MAPT: variants seen among roughly 807,000 people sequenced by gnomAD.
The protein encoded by MAPT is microtubule-associated protein tau.
A neutral mutation model predicts 67.9 loss-of-function variants in MAPT; 34 were observed. The ratio of observed to expected loss-of-function variants is 0.50; its 90% CI spans 0.38 to 0.67. The LOEUF (loss-of-function observed/expected upper bound fraction) is 0.67. Ranked by LOEUF, MAPT falls within the 30% of genes least tolerant of loss-of-function variation. MAPT has a pLI of 0.00. For synonymous variants in MAPT, 456 were observed against 464.5 expected, an observed-to-expected ratio of 0.98 and a Z score of 0.23; for missense variants, 881 against 1,115.2, an observed-to-expected ratio of 0.79 and a Z score of 2.99.
At chr17:45,948,544 C>A (rs1255177911) in intron 1 of MAPT, among the ~76,000 whole-genome samples, 1 of 152,180 alleles carries the variant, frequency 6.6e-6, no homozygotes, top group Non-Finnish European at 1.5e-5. Flanking sequence ...CCCTTATATT[C>A]CTTAGCTGTT....
intron 1 of MAPT, among the ~76,000 whole-genome samples, chr17:45,907,009 G>A (rs748364972): frequency 4.6e-5 from 7 of 152,094 alleles, no homozygotes; most frequent in African/African-American, 1.2e-4. Flanking sequence ...TATCCAATCC[G>A]TTTTGCATGC....
chr17:45,909,281 G>A (rs2064573219), intron 1 of MAPT, among the ~76,000 whole-genome samples: 1 of 152,146 alleles, frequency 6.6e-6, no homozygotes, highest in Non-Finnish European at 1.5e-5. Flanking sequence ...CATGTCACGG[G>A]GACTCCACTA....
intron 1 of MAPT, among the ~76,000 whole-genome samples, chr17:45,960,286 G>A (rs539791095): frequency 2.6e-5 from 4 of 152,358 alleles, no homozygotes; most frequent in East Asian, 3.9e-4. Flanking sequence ...CAGAGTCACC[G>A]TGTGCCCTGG....
chr17:45,919,596 G>A (rs1699466295), intron 1 of MAPT, among the ~76,000 whole-genome samples: 1 of 152,148 alleles, frequency 6.6e-6, no homozygotes, highest in African/African-American at 2.4e-5. Context: ...GGAGGCAGAT[G>A]AGGTTTAAAG....
At chr17:45,970,010 C>T (rs1371427395) in intron 2 of MAPT, among the ~76,000 whole-genome samples, 1 of 150,762 alleles carries the variant, frequency 6.6e-6, no homozygotes, top group Non-Finnish European at 1.5e-5. Flanking sequence ...ATCATCTACA[C>T]ATCACCCATC....
chr17:45,996,655 A>G lies in MAPT; in HGVS notation c.1989A>G (p.Gly663=). The G allele has an allele frequency of 6.2e-7, 1 of 1,613,080 alleles. No individual in the cohort carries two copies. Among genetic ancestry groups the G allele is most frequent in the Non-Finnish European group, 8.5e-7 (1 of 1,179,712 alleles). Reference sequence around the variant, plus strand: ...CTGAGAACCTGAAGCACCAGCCGGGAGGCGGGAAGGTGAGAGTGGCTGGCT... The same window carrying G: ...CTGAGAACCTGAAGCACCAGCCGGGGGGCGGGAAGGTGAGAGTGGCTGGCT... The part of the protein sequence containing the change: ...GSTENLKHQP[G]GGKVQIINKK... The change falls in exon 9 of 13, where the codon GGA becomes GGG. Residue 663 remains glycine, a synonymous_variant. Transcript: ENST00000262410. This position sits in a 1 kb window ranked among gnomAD's most constrained non-coding sequence, Gnocchi z 4.5.
chr17:45,924,978 C>T lies in MAPT; in HGVS notation c.-18+30292C>T, dbSNP rs572679512. Reference sequence around the variant, plus strand: ...GGAAGGGAGGACTATAGACCCTCAACGTAAGCAATGGTCAGACTATTCTAA... The same window carrying T: ...GGAAGGGAGGACTATAGACCCTCAATGTAAGCAATGGTCAGACTATTCTAA... On this transcript the variant is annotated intron_variant, in intron 1 of 12. Transcript: ENST00000262410. Among the ~76,000 whole-genome samples, 220 of 152,232 alleles carry T rather than the reference C, an allele frequency of 1.4e-3. 1 individual carries two copies. Among genetic ancestry groups the T allele is most frequent in the African/African-American group, 4.3e-3 (179 of 41,538 alleles).
intron 10 of MAPT, among the ~76,000 whole-genome samples, chr17:46,013,661 T>TACTGATGGTCTTTGCTC (rs996288420): frequency 6.6e-6 from 1 of 152,212 alleles, no homozygotes; most frequent in Non-Finnish European, 1.5e-5. Context: ...GGGTCCTGCT[T>TACTGATGGTCTTTGCTC]ACTGATGGTC....
chr17:45,978,402 C>A lies in MAPT; in HGVS notation c.248C>A (p.Pro83His), dbSNP rs1178646126. 1.2e-6 allele frequency: 2 copies of A among 1,613,800 alleles called. No homozygotes were observed. The highest frequency in any genetic ancestry group is 2.7e-5 in the African/African-American group (2 of 74,920). The change falls in exon 4 of 13, where the codon CCC (proline) becomes CAC (histidine). Residue 83 changes from proline (P) to histidine (H), a missense_variant. By Grantham distance (77) the Pro-to-His change is moderately conservative (BLOSUM62 -2). Around this residue, in one of 6 missense-constraint regions of MAPT, gnomAD observed 687 missense variants for 766.1 expected, o/e 0.90. Transcript: ENST00000262410. ...EAEEAGIGDTPSLEDEAAGHV... is the reference protein window; with the variant it reads ...EAEEAGIGDTHSLEDEAAGHV... ...GAAGAAGCAGGCATTGGAGACACCC[C>A]CAGCCTGGAAGACGAAGCTGCTGGT... is the stretch of plus-strand genomic sequence containing the variant.
chr17:45,911,947 T>C (rs117166686), intron 1 of MAPT, among the ~76,000 whole-genome samples: 2,931 of 152,322 alleles, frequency 0.019, 26 homozygotes, highest in Middle Eastern at 0.061. Context: ...CTGTTTGCCA[T>C]GATCTGTTCA....
intron 1 of MAPT, among the ~76,000 whole-genome samples, chr17:45,904,786 G>A (rs2064187142): frequency 6.6e-6 from 1 of 151,688 alleles, no homozygotes; most frequent in Non-Finnish European, 1.5e-5. Context: ...TTTATACTGG[G>A]CTTGCCAAAA....
intron 3 of MAPT, chr17:45,977,990 T>A (rs1474043183): frequency 1.3e-5 from 3 of 225,804 alleles, no homozygotes; most frequent in African/African-American, 6.8e-5. Context: ...AAGTCTTTCC[T>A]TGAACTTCCC....
chr17:45,960,051 A>G (rs947735231), intron 1 of MAPT, among the ~76,000 whole-genome samples: 2 of 152,282 alleles, frequency 1.3e-5, no homozygotes, highest in South Asian at 2.1e-4. Context: ...ATAAAAGGCT[A>G]GAAGGAAATA....
At chr17:45,917,228 C>G (rs899962678) in intron 1 of MAPT, among the ~76,000 whole-genome samples, 1 of 152,334 alleles carries the variant, frequency 6.6e-6, no homozygotes, top group African/African-American at 2.4e-5. Context: ...TTCTGCTTTG[C>G]AGAGTGCGAG....
Position 45,971,950 on chromosome 17 carries a change from G to GC in MAPT, c.220+11dup. 1.9e-6 allele frequency: 3 copies of GC among 1,613,206 alleles called. No homozygotes were observed. The highest frequency in any genetic ancestry group is 2.5e-6 in the Non-Finnish European group (3 of 1,179,336). Reference sequence around the variant, plus strand: ...AGAGCACTCCAACAGCGGAAGGTGGGCCCCCCTTCAGACGCCCCCTCCATG... The same window carrying GC: ...AGAGCACTCCAACAGCGGAAGGTGGGCCCCCCCTTCAGACGCCCCCTCCATG... On this transcript the variant is annotated splice_donor_region_variant and intron_variant, in intron 3 of 12. Coordinates refer to ENST00000262410, the MANE Select transcript of MAPT (RefSeq NM_001377265.1). The surrounding 1 kb of genome is among the most constrained non-coding windows in gnomAD (Gnocchi z 4.3).
Position 45,983,145 on chromosome 17 carries a change from C to A in MAPT, c.566C>A (p.Pro189Gln), listed in dbSNP as rs375008883. 6.3e-7 allele frequency: 1 copy of A among 1,594,674 alleles called. No homozygotes were observed. Among genetic ancestry groups the A allele is most frequent in the Non-Finnish European group, 8.5e-7 (1 of 1,170,354 alleles). ...TGGGCCGAGAAGGGTCCGGCCTTTC[C>A]GAAGCCCGCCACCACTGCGTATCTC... is the stretch of plus-strand genomic sequence containing the variant. ...GDWAEKGPAF[P>Q]KPATTAYLHT... is the part of the protein sequence containing the mutation. The change falls in exon 5 of 13, where the codon CCG (proline) becomes CAG (glutamine). Residue 189 changes from proline to glutamine, a missense_variant. Around this residue, in one of 6 missense-constraint regions of MAPT, gnomAD observed 687 missense variants for 766.1 expected, o/e 0.90. Transcript: ENST00000262410.
At chr17:46,011,981 TG>T (rs1393014476) in intron 10 of MAPT, among the ~76,000 whole-genome samples, 3 of 152,176 alleles carry the variant, frequency 2.0e-5, no homozygotes, top group African/African-American at 4.8e-5. Context: ...CCTGCTCTCC[TG>T]TCCCCCCAGT....
At chr17:45,904,493 G>A (rs1320315853) in intron 1 of MAPT, among the ~76,000 whole-genome samples, 2 of 144,002 alleles carry the variant, frequency 1.4e-5, no homozygotes, top group East Asian at 2.0e-4. Context: ...TCTGAGACTA[G>A]CCTGGGCAAC....
intron 2 of MAPT, among the ~76,000 whole-genome samples, 163 bp downstream of exon 2, chr17:45,962,633 A>C (rs974549043): frequency 1.3e-5 from 2 of 152,206 alleles, no homozygotes; most frequent in African/African-American, 4.8e-5. Context: ...TAACTCAAGC[A>C]GTGAGATAAT....
Sources: allele counts gnomAD v4.1 joint callset (sites outside exome capture counted in the v4.1 genomes callset), GRCh38; gene constraint gnomAD v4.1.1; regional missense constraint gnomAD v4.1.1; non-coding constraint Gnocchi (gnomAD v3.1); transcripts MANE v1.5; gene names NCBI Gene and HGNC (gene_info 2026-07-23, HGNC 2026-07-21).